Variants in TMEM117 observed in about 807,000 individuals in gnomAD.
The protein encoded by TMEM117 is transmembrane protein 117.
A neutral mutation model predicts 52.4 loss-of-function variants in TMEM117; 27 were observed. That is an observed-to-expected ratio of 0.51 (90% CI 0.38 to 0.71). The LOEUF (loss-of-function observed/expected upper bound fraction) is 0.71. TMEM117 is among the 30% of genes least tolerant of loss of function. TMEM117 has a pLI of 0.00. For missense variants in TMEM117, 556 were observed against 630.5 expected, an observed-to-expected ratio of 0.88 and a Z score of 1.26; for synonymous variants, 215 against 206.3, an observed-to-expected ratio of 1.04 and a Z score of -0.36.
intron 4 of TMEM117, among the ~76,000 whole-genome samples, chr12:44,171,269 C>T (rs1949042573): frequency 6.6e-6 from 1 of 152,176 alleles, no homozygotes; most frequent in Admixed American, 6.5e-5. Context: ...CCCGCCTCGG[C>T]CTCCCAAAGT....
At chr12:44,009,323 C>T in intron 3 of TMEM117, 1 of 240,230 alleles carries the variant, frequency 4.2e-6, no homozygotes, top group Non-Finnish European at 8.1e-6. Flanking sequence ...AGCTTTAACC[C>T]TAGAGAGATG....
At chr12:44,126,258 T>A (rs1565839134) in intron 3 of TMEM117, among the ~76,000 whole-genome samples, 1 of 152,218 alleles carries the variant, frequency 6.6e-6, no homozygotes, top group Non-Finnish European at 1.5e-5. Flanking sequence ...TTTGAAACTG[T>A]TAGATTTTTG....
chr12:44,318,312 A>G (rs1481472427), intron 6 of TMEM117: 5 of 152,400 alleles, frequency 3.3e-5, no homozygotes, highest in Non-Finnish European at 7.3e-5. Context: ...TTGTCTGGAG[A>G]TCTGCCTGCA....
chr12:44,208,779 C>T (rs970736275), intron 4 of TMEM117, among the ~76,000 whole-genome samples: 40 of 99,210 alleles, frequency 4.0e-4, no homozygotes, highest in African/African-American at 1.4e-3. Context: ...TGAGAAAATG[C>T]TTTATCCTTG....
At chr12:44,063,607 TC>T (rs1592485382) in intron 3 of TMEM117, among the ~76,000 whole-genome samples, 2 of 146,414 alleles carry the variant, frequency 1.4e-5, no homozygotes, top group African/African-American at 2.5e-5. Flanking sequence ...CCTAATGCTA[TC>T]CCTCCCGCCT....
intron 3 of TMEM117, among the ~76,000 whole-genome samples, chr12:44,025,928 A>G (rs1946526828): frequency 6.6e-6 from 1 of 152,130 alleles, no homozygotes; most frequent in African/African-American, 2.4e-5. Context: ...AGGTATGTGT[A>G]TATCCTTTTG....
intron 3 of TMEM117, among the ~76,000 whole-genome samples, chr12:44,115,517 A>G (rs1395885181): frequency 6.6e-6 from 1 of 151,922 alleles, no homozygotes; most frequent in Admixed American, 6.6e-5. Context: ...CAGATAAAGA[A>G]TCTAAGACTC....
In TMEM117 at chr12:43,844,919, C is replaced by T. The variant is rs540858629; in HGVS notation, c.268C>T (p.Arg90Cys). 27 of 1,612,820 alleles carry T rather than the reference C, an allele frequency of 1.7e-5. No individual in the cohort carries two copies. Among genetic ancestry groups the T allele is most frequent in the East Asian group, 8.9e-5 (4 of 44,884 alleles). ...LIAGKFLFHQ[R>C]LFGQLLRLKM... is the part of the protein sequence containing the mutation. ...AGCTGGCAAATTTCTGTTCCATCAG[C>T]GTTTGTTTGGTAAGTACCATGACCC... The change falls in exon 2 of 8, where the codon CGT becomes TGT. Residue 90 changes from arginine to cysteine, a missense_variant. Physicochemically the swap from Arg to Cys is radical, Grantham distance 180. Coordinates refer to ENST00000266534, the MANE Select transcript of TMEM117 (RefSeq NM_032256.3).
chr12:44,354,593 A>G (rs1487775170), intron 6 of TMEM117, among the ~76,000 whole-genome samples: 1 of 152,018 alleles, frequency 6.6e-6, no homozygotes, highest in Admixed American at 6.6e-5. Context: ...ATAGATGCAG[A>G]AAAGGCCTTT....
At chr12:43,947,704 C>G (rs1185841106) in intron 3 of TMEM117, among the ~76,000 whole-genome samples, 1 of 152,128 alleles carries the variant, frequency 6.6e-6, no homozygotes, top group Non-Finnish European at 1.5e-5. Context: ...GTGGGGAGTC[C>G]AATGTGTCTT....
At chr12:44,024,116 A>G (rs1435163647) in intron 3 of TMEM117, among the ~76,000 whole-genome samples, 3 of 152,196 alleles carry the variant, frequency 2.0e-5, no homozygotes, top group Non-Finnish European at 4.4e-5. Context: ...TGAACTGTAG[A>G]CATTTGCTCC....
chr12:44,296,335 T>TA (rs1168269901), intron 5 of TMEM117, among the ~76,000 whole-genome samples: 1 of 152,108 alleles, frequency 6.6e-6, no homozygotes, highest in Non-Finnish European at 1.5e-5. Context: ...AGAACTGAGT[T>TA]AGAGAGTGTG....
chr12:43,879,641 T>C (rs560401868), intron 2 of TMEM117, among the ~76,000 whole-genome samples: 1 of 152,358 alleles, frequency 6.6e-6, no homozygotes, highest in South Asian at 2.1e-4. Flanking sequence ...CTGCTTGCTG[T>C]ATTTTTGGAG....
At chr12:44,149,379 A>G (rs186134213) in intron 4 of TMEM117, among the ~76,000 whole-genome samples, 1 of 152,224 alleles carries the variant, frequency 6.6e-6, no homozygotes, top group Non-Finnish European at 1.5e-5. Flanking sequence ...TCAAGGGTCA[A>G]TATTCATTTA....
intron 5 of TMEM117, among the ~76,000 whole-genome samples, chr12:44,247,291 A>G (rs1950142717): frequency 6.6e-6 from 1 of 152,200 alleles, no homozygotes. Context: ...TAATGGTGCT[A>G]CTGTGTTATA....
intron 2 of TMEM117, among the ~76,000 whole-genome samples, chr12:43,874,587 G>A (rs560422366): frequency 1.2e-3 from 184 of 152,170 alleles, no homozygotes; most frequent in African/African-American, 4.0e-3. Context: ...ACAAGACTCC[G>A]TCTCAAAAAA....
At chr12:44,313,999 T>A (rs191680163) in intron 6 of TMEM117, among the ~76,000 whole-genome samples, 20 of 152,014 alleles carry the variant, frequency 1.3e-4, no homozygotes, top group Non-Finnish European at 2.5e-4. Context: ...CTAGGAGCCT[T>A]TGGCAGAGGC....
chr12:43,998,246 A>G (rs1946063211), intron 3 of TMEM117, among the ~76,000 whole-genome samples: 1 of 152,228 alleles, frequency 6.6e-6, no homozygotes, highest in Non-Finnish European at 1.5e-5. Flanking sequence ...TCATCCAGAC[A>G]TTGGTAGAGG....
intron 3 of TMEM117, among the ~76,000 whole-genome samples, chr12:44,139,546 A>G (rs1322459953): frequency 6.6e-6 from 1 of 152,042 alleles, no homozygotes; most frequent in East Asian, 1.9e-4. Context: ...AAATAATTGA[A>G]GTTAGAGGCT....
Sources: gnomAD v4.1 joint callset for allele counts (sites outside exome capture counted in the v4.1 genomes callset) on GRCh38, gnomAD v4.1.1 for gene constraint, MANE v1.5 for transcripts, NCBI Gene and HGNC (gene_info 2026-07-23, HGNC 2026-07-21) for gene names.